Variants in FMN1 observed in about 807,000 individuals in gnomAD.
FMN1 encodes formin 1.
FMN1 carries 110 observed loss-of-function variants against 132.4 expected under a neutral mutation model. The observed-to-expected ratio is 0.83, with a 90% CI of 0.71 to 0.97. FMN1 has a LOEUF of 0.97. Ranked by LOEUF, FMN1 falls within the 50% of genes least tolerant of loss-of-function variation. The probability of loss-of-function intolerance (pLI) is 0.00; values close to 1 mark genes in which losing one functional copy is unlikely to be tolerated. For missense variants in FMN1, 1,792 were observed against 1,705.3 expected, an observed-to-expected ratio of 1.05 and a Z score of -0.90; for synonymous variants, 722 against 651.7, an observed-to-expected ratio of 1.11 and a Z score of -1.64.
chr15:32,848,841 A>G (rs1466000321), intron 17 of FMN1, among the ~76,000 whole-genome samples: 1 of 152,192 alleles, frequency 6.6e-6, no homozygotes, highest in African/African-American at 2.4e-5. Context: ...TGCAGCAATG[A>G]ACCTGTTTGA....
At chr15:33,007,734 GA>G (rs1004170879) in intron 7 of FMN1, among the ~76,000 whole-genome samples, 3 of 152,130 alleles carry the variant, frequency 2.0e-5, no homozygotes, top group Non-Finnish European at 2.9e-5. Flanking sequence ...TATAACAGCA[GA>G]AGTCTATTCC....
rs1195651723 is a variant in FMN1, at chr15:32,771,766, G to GAAC, written c.*2541_*2543dup. 6.6e-6 allele frequency: 1 copy of GAAC among 152,198 alleles called. No individual in the cohort carries two copies. Among genetic ancestry groups the GAAC allele is most frequent in the East Asian group, 1.9e-4 (1 of 5,182 alleles). 9.4% of individuals were successfully genotyped at this position (152,198 alleles called of 1,614,324 possible). ...AAAGTTCAGATCCTCCTGCTACACT[G>GAAC]AACACAAGCTCAACAGCATTTTAGA... On this transcript the variant is annotated 3_prime_UTR_variant, in exon 21 of 21. Transcript: ENST00000616417.
At chr15:32,928,606 A>C (rs2061023435) in intron 9 of FMN1, among the ~76,000 whole-genome samples, 1 of 152,210 alleles carries the variant, frequency 6.6e-6, no homozygotes, top group African/African-American at 2.4e-5. Flanking sequence ...CATCACCTAA[A>C]CTAACTGGAG....
intron 3 of FMN1, among the ~76,000 whole-genome samples, chr15:33,171,694 C>A (rs1208754039): frequency 1.3e-5 from 2 of 151,992 alleles, no homozygotes; most frequent in African/African-American, 4.8e-5. Context: ...TTCCCTATTT[C>A]TTTTCTTCAG....
At chr15:33,021,584 A>G (rs567746901) in intron 6 of FMN1, among the ~76,000 whole-genome samples, 2 of 152,224 alleles carry the variant, frequency 1.3e-5, no homozygotes, top group East Asian at 3.9e-4. Context: ...TGATGATATA[A>G]AAGAGGTACA....
rs144894888 is a variant in FMN1 at position 33,037,366 on chromosome 15, A to T, written c.2161+27591T>A. ...GAGTTTGGGTGAGGAGGGGAAAATA[A>T]GGTGAGAGATTTGGGGAAGGAATAC... is the stretch of plus-strand genomic sequence containing the variant. On this transcript the variant is annotated intron_variant, in intron 6 of 20. Coordinates refer to ENST00000616417, the MANE Select transcript of FMN1 (RefSeq NM_001277313.2). Among the ~76,000 whole-genome samples, 526 of 152,282 alleles carry T rather than the reference A, an allele frequency of 3.5e-3. 3 individuals are homozygous for T. Among genetic ancestry groups the T allele is most frequent in the Middle Eastern group, 0.02 (6 of 294 alleles).
intron 7 of FMN1, among the ~76,000 whole-genome samples, chr15:32,979,343 C>A (rs915645662): frequency 2.0e-5 from 3 of 152,056 alleles, no homozygotes; most frequent in Non-Finnish European, 4.4e-5. Flanking sequence ...ATCACGAGGT[C>A]AGGAGATCGA....
At chr15:33,177,995 C>A (rs779375901) in intron 3 of FMN1, among the ~76,000 whole-genome samples, 1 of 151,828 alleles carries the variant, frequency 6.6e-6, no homozygotes, top group Non-Finnish European at 1.5e-5. Flanking sequence ...GCAACGAGAG[C>A]GAAACTCTGT....
chr15:33,126,978 G>A (rs1963144536), intron 4 of FMN1, among the ~76,000 whole-genome samples: 1 of 152,218 alleles, frequency 6.6e-6, no homozygotes, highest in South Asian at 2.1e-4. Flanking sequence ...TCTGTGGAGA[G>A]GCTTGCAAGA....
chr15:33,170,498 T>G (rs895864018), intron 3 of FMN1, among the ~76,000 whole-genome samples: 17 of 151,794 alleles, frequency 1.1e-4, no homozygotes, highest in Non-Finnish European at 2.2e-4. Flanking sequence ...TTGTAAACTT[T>G]TCATCTGACA....
At chr15:32,860,559 G>GAGTCAGAAGGC (rs2059245511) in intron 16 of FMN1, 1 of 152,264 alleles carries the variant, frequency 6.6e-6, no homozygotes, top group Admixed American at 6.5e-5. Context: ...AGGCAGAGGT[G>GAGTCAGAAGGC]AGAGGATCAC....
chr15:32,787,430 G>A (rs1009164712), intron 19 of FMN1, among the ~76,000 whole-genome samples: 1 of 152,122 alleles, frequency 6.6e-6, no homozygotes, highest in African/African-American at 2.4e-5. Flanking sequence ...CTCTGGCACC[G>A]ACCACCTCCT....
At chr15:33,156,875 C>G (rs767389298) in intron 3 of FMN1, among the ~76,000 whole-genome samples, 28 of 152,176 alleles carry the variant, frequency 1.8e-4, no homozygotes, top group Admixed American at 1.2e-3. Flanking sequence ...ATAGAATGCT[C>G]TCCTCTCTCT....
At chr15:32,949,449 G>C (rs2061577258) in intron 9 of FMN1, among the ~76,000 whole-genome samples, 2 of 152,056 alleles carry the variant, frequency 1.3e-5, no homozygotes, top group Non-Finnish European at 2.9e-5. Flanking sequence ...ACAAGCAATA[G>C]AGAAAGAATT....
rs528149928 is a variant in FMN1 at position 33,091,911 on chromosome 15, A to ACT, written c.1868-2938_1868-2937insAG. Among the ~76,000 whole-genome samples, 29 of 152,346 alleles carry ACT rather than the reference A, an allele frequency of 1.9e-4. No individual in the cohort carries two copies. In the South Asian group the frequency reaches 6.0e-3, roughly 32 times the overall value. ...AGATTTGGGGGTGTTAGATCTTTAG[A>ACT]GAATATTTTGTGAAAAACTGAATCA... On this transcript the variant is annotated intron_variant, in intron 4 of 20. Coordinates refer to ENST00000616417, the MANE Select transcript of FMN1 (RefSeq NM_001277313.2).
chr15:32,790,593 G>A (rs1324448282), intron 19 of FMN1, among the ~76,000 whole-genome samples: 2 of 152,202 alleles, frequency 1.3e-5, no homozygotes, highest in Non-Finnish European at 2.9e-5. Flanking sequence ...TGGGAGATCT[G>A]CCAGGTTTGG....
chr15:32,794,336 A>T (rs1399898905), intron 19 of FMN1, among the ~76,000 whole-genome samples: 5 of 152,226 alleles, frequency 3.3e-5, no homozygotes, highest in Admixed American at 3.3e-4. Context: ...TGGGGTTTTT[A>T]AATGGCACTT....
chr15:32,919,690 C>T (rs114359587), intron 10 of FMN1, among the ~76,000 whole-genome samples: 2 of 152,122 alleles, frequency 1.3e-5, no homozygotes, highest in Non-Finnish European at 2.9e-5. Context: ...TAAAAAAATT[C>T]TGAAGACCAA....
intron 4 of FMN1, among the ~76,000 whole-genome samples, chr15:33,144,958 A>G (rs1381544088): frequency 3.9e-5 from 6 of 152,318 alleles, no homozygotes; most frequent in Admixed American, 1.3e-4. Flanking sequence ...ATATTATTTC[A>G]TTTGATTCTC....
Sources: gnomAD v4.1 joint callset for allele counts (sites outside exome capture counted in the v4.1 genomes callset) on GRCh38, gnomAD v4.1.1 for gene constraint, MANE v1.5 for transcripts, NCBI Gene and HGNC (gene_info 2026-07-23, HGNC 2026-07-21) for gene names.